Variants in GATA4 observed in about 807,000 individuals in gnomAD.
The protein encoded by GATA4 is transcription factor GATA-4.
GATA4 carries 7 observed loss-of-function variants against 37.9 expected under a neutral mutation model. The ratio of observed to expected loss-of-function variants is 0.18; its 90% CI spans 0.11 to 0.35. GATA4 has a LOEUF of 0.35. Among genes scored for constraint, GATA4 ranks in the 10% least tolerant of loss-of-function variants. GATA4 has a pLI of 1.00. For missense variants in GATA4, 647 were observed against 653.0 expected (o/e 0.99, Z 0.10); for synonymous variants, 372 against 292.6 (o/e 1.27, Z -2.77).
intron 1 of GATA4, among the ~76,000 whole-genome samples, chr8:11,679,315 G>A (rs1293991794): frequency 3.9e-5 from 6 of 152,158 alleles, no homozygotes; most frequent in African/African-American, 1.4e-4. Flanking sequence ...TCAGACTCGG[G>A]GATGGGGGAG....
At chr8:11,697,965 C>T in intron 1 of GATA4, 1 of 985,474 alleles carries the variant, frequency 1.0e-6, no homozygotes, top group Non-Finnish European at 1.2e-6. Context: ...GCGCTCCAGC[C>T]GCGGGTGTCC....
At chr8:11,748,382 C>G (rs2130303997) in intron 2 of GATA4, among the ~76,000 whole-genome samples, 1 of 152,098 alleles carries the variant, frequency 6.6e-6, no homozygotes, top group Non-Finnish European at 1.5e-5. Context: ...ACAGAGTGAC[C>G]CTGTCTCTAA....
intron 1 of GATA4, among the ~76,000 whole-genome samples, chr8:11,679,259 C>A (rs1408790948): frequency 6.6e-6 from 1 of 150,850 alleles, no homozygotes; most frequent in South Asian, 2.1e-4. Context: ...GGCCCTGCCT[C>A]GGATCTCCAC....
chr8:11,697,365 C>T (rs1799537255), intron 1 of GATA4, among the ~76,000 whole-genome samples: 3 of 152,374 alleles, frequency 2.0e-5, no homozygotes, highest in Middle Eastern at 6.8e-3. Flanking sequence ...TTTGACAGAA[C>T]AAGGACTATC....
At chr8:11,703,489 G>T (rs1242785823), upstream of GATA4, among the ~76,000 whole-genome samples, 1 of 152,184 alleles carries the variant, frequency 6.6e-6, no homozygotes, top group African/African-American at 2.4e-5. Flanking sequence ...CCTTGGATTG[G>T]TGCAGAGCCG....
intron 2 of GATA4, among the ~76,000 whole-genome samples, chr8:11,733,363 TAAGAA>T (rs1161626337): frequency 6.6e-6 from 1 of 152,194 alleles, no homozygotes; most frequent in Non-Finnish European, 1.5e-5. Context: ...AAAGGAGACT[TAAGAA>T]AGGGGAACTT....
chr8:11,688,261 C>T (rs1000427679), upstream of GATA4, among the ~76,000 whole-genome samples: 1 of 152,162 alleles, frequency 6.6e-6, no homozygotes, highest in Admixed American at 6.5e-5. Flanking sequence ...CCTGAGGTCT[C>T]CTGAAATATG....
intron 2 of GATA4, among the ~76,000 whole-genome samples, chr8:11,721,521 C>G (rs190567056): frequency 3.9e-5 from 6 of 151,948 alleles, no homozygotes; most frequent in African/African-American, 1.5e-4. Context: ...CGCTGAGTCA[C>G]CCATTTCCCA....
upstream of GATA4, among the ~76,000 whole-genome samples, chr8:11,701,110 G>A (rs540825182): frequency 6.6e-6 from 1 of 152,272 alleles, no homozygotes; most frequent in East Asian, 1.9e-4. Flanking sequence ...AGTCCCAAGA[G>A]CCTTAATGGA....
rs1554488913 is a variant in GATA4, at chr8:11,709,579, G to GGT, written c.616+652_616+653insTG. ...GTGGGCGCATCATGCGGGCAGCGGG[G>GGT]GGGGGGGCGCACACGCCCGGTCAGT... On this transcript the variant is annotated intron_variant, in intron 2 of 6. Transcript: ENST00000532059. The surrounding 1 kb of genome is among the most constrained non-coding windows in gnomAD (Gnocchi z 4.3). 1.3e-5 allele frequency among the ~76,000 whole-genome samples: 2 copies of GGT among 152,018 alleles called. No homozygotes were observed. Among genetic ancestry groups the GGT allele is most frequent in the South Asian group, 2.1e-4 (1 of 4,798 alleles).
In GATA4 at chr8:11,726,003, T is replaced by C. The variant is rs540305643; in HGVS notation, c.616+17075T>C. ...TACCTTCTGGTGCTGTCCTTTTATT[T>C]GGATTATAGTTCCACTAGCCTGGAA... On this transcript the variant is annotated intron_variant, in intron 2 of 6. Coordinates refer to ENST00000532059, the MANE Select transcript of GATA4 (RefSeq NM_001308093.3). Among the ~76,000 whole-genome samples, 38 of 152,316 alleles carry C rather than the reference T, an allele frequency of 2.5e-4. 1 individual carries two copies. Among genetic ancestry groups the C allele is most frequent in the African/African-American group, 9.1e-4 (38 of 41,568 alleles).
chr8:11,682,196 A>C (rs560871486), intron 1 of GATA4, among the ~76,000 whole-genome samples: 1 of 152,338 alleles, frequency 6.6e-6, no homozygotes, highest in African/African-American at 2.4e-5. Flanking sequence ...AACGATGCAG[A>C]ATTTCTTAAA....
intron 1 of GATA4, chr8:11,680,598 C>G (rs765754591): frequency 2.0e-6 from 2 of 985,336 alleles, no homozygotes; most frequent in Non-Finnish European, 2.4e-6. Flanking sequence ...CAGCCGGGTC[C>G]GAGCGGCGGT....
rs1331385487 is a variant in GATA4, at chr8:11,758,630, G to C, written c.*155G>C. 4.0e-6 allele frequency: 3 copies of C among 754,990 alleles called. No individual in the cohort carries two copies. The highest frequency in any genetic ancestry group is 6.8e-6 in the Non-Finnish European group (3 of 439,698). The allele number at this position is 754,990 out of a possible 1,614,324, so 46.8% of individuals were successfully genotyped here. On this transcript the variant is annotated 3_prime_UTR_variant, in exon 7 of 7. Coordinates refer to ENST00000532059, the MANE Select transcript of GATA4 (RefSeq NM_001308093.3). Reference sequence around the variant, plus strand: ...AACTTGAAGTCGACAATCTGGTTAGGGGAAGCGGGTGTTGGATTTTCTCAG... The same window carrying C: ...AACTTGAAGTCGACAATCTGGTTAGCGGAAGCGGGTGTTGGATTTTCTCAG...
chr8:11,718,825 G>T (rs979990040), intron 2 of GATA4, among the ~76,000 whole-genome samples: 2 of 152,244 alleles, frequency 1.3e-5, no homozygotes, highest in Non-Finnish European at 2.9e-5. Flanking sequence ...TGGTGAGCAG[G>T]TTAATTATAA....
intron 2 of GATA4, among the ~76,000 whole-genome samples, chr8:11,729,537 C>A (rs2130193768): frequency 6.9e-6 from 1 of 144,378 alleles, no homozygotes; most frequent in East Asian, 2.0e-4. Context: ...GCCTGGGCAA[C>A]AGTGCGAGAC....
At chr8:11,723,057 T>G (rs541707742) in intron 2 of GATA4, among the ~76,000 whole-genome samples, 3 of 152,146 alleles carry the variant, frequency 2.0e-5, no homozygotes, top group African/African-American at 7.2e-5. Flanking sequence ...TAAGAACTCA[T>G]GGACTTCAGC....
upstream of GATA4, among the ~76,000 whole-genome samples, chr8:11,701,111 C>G (rs146285065): frequency 4.8e-4 from 73 of 152,168 alleles, no homozygotes; most frequent in East Asian, 0.013. Context: ...GTCCCAAGAG[C>G]CTTAATGGAA....
At chr8:11,747,852 A>T (rs1014593425) in intron 2 of GATA4, among the ~76,000 whole-genome samples, 1 of 152,240 alleles carries the variant, frequency 6.6e-6, no homozygotes, top group Non-Finnish European at 1.5e-5. Context: ...TTTATAAAGA[A>T]TTTGTCATTG....
Sources: allele counts gnomAD v4.1 joint callset (sites outside exome capture counted in the v4.1 genomes callset), GRCh38; gene constraint gnomAD v4.1.1; non-coding constraint Gnocchi (gnomAD v3.1); transcripts MANE v1.5; gene names NCBI Gene and HGNC (gene_info 2026-07-23, HGNC 2026-07-21).